KPNA3: variants seen among roughly 807,000 people sequenced by gnomAD.
KPNA3 encodes importin subunit alpha-4.
A neutral mutation model predicts 73.8 loss-of-function variants in KPNA3; 13 were observed. The ratio of observed to expected loss-of-function variants is 0.18; its 90% confidence interval spans 0.11 to 0.28. The LOEUF is 0.28. KPNA3 is among the 10% of genes least tolerant of loss of function. The pLI, the probability that KPNA3 is intolerant of heterozygous loss-of-function variation, is 1.00. For synonymous variants in KPNA3, 186 were observed against 206.9 expected (o/e 0.90, Z 0.87); for missense variants, 360 against 618.1 (o/e 0.58, Z 4.43).
intron 1 of KPNA3, among the ~76,000 whole-genome samples, chr13:49,776,560 T>C (rs774287054): frequency 5.3e-5 from 8 of 152,220 alleles, no homozygotes; most frequent in Non-Finnish European, 1.0e-4. Context: ...ATCACAATTT[T>C]TATTTTCATC....
rs182969980 is a variant in KPNA3 at position 49,722,745 on chromosome 13, C to T, written c.470-182G>A. ...TTTTCCCCTAGTAATAGTCAAGTAC[C>T]GTAACCAACTGGCAGTATCTAAAGG... On this transcript the variant is annotated intron_variant, in intron 7 of 16. Transcript: ENST00000261667. Among the ~76,000 whole-genome samples, 123 of 148,926 alleles carry T rather than the reference C, an allele frequency of 8.3e-4. 1 individual carries two copies. The highest frequency in any genetic ancestry group is 2.9e-3 in the African/African-American group (117 of 40,402).
chr13:49,780,561 A>G (rs1954932976), intron 1 of KPNA3, among the ~76,000 whole-genome samples: 2 of 151,990 alleles, frequency 1.3e-5, no homozygotes, highest in Admixed American at 6.6e-5. Flanking sequence ...ATCTTCACCA[A>G]TCCATCCCCT....
In KPNA3 at chr13:49,701,478, T is replaced by G. The variant is rs1358962672; in HGVS notation, c.*322A>C. The G allele has an allele frequency of 4.1e-6, 2 of 489,098 alleles. No individual in the cohort carries two copies. Among genetic ancestry groups the G allele is most frequent in the South Asian group, 3.1e-5 (2 of 64,758 alleles). The allele number at this position is 489,098 out of a possible 1,614,324, so 30.3% of individuals were successfully genotyped here. A position where few individuals can be genotyped will look rare whatever the true frequency, so the allele number is the denominator to read the frequency against. On this transcript the variant is annotated 3_prime_UTR_variant, in exon 17 of 17. Coordinates refer to ENST00000261667, the MANE Select transcript of KPNA3 (RefSeq NM_002267.4). ...AAGGAGTATCAGTGGGCAGCTGACATGTCACCACTATGGAATATTTATTCT... is the reference window on the plus strand; with the variant it reads ...AAGGAGTATCAGTGGGCAGCTGACAGGTCACCACTATGGAATATTTATTCT...
chr13:49,790,019 A>C (rs1028481719), intron 1 of KPNA3, among the ~76,000 whole-genome samples: 2 of 152,056 alleles, frequency 1.3e-5, no homozygotes, highest in African/African-American at 4.8e-5. Context: ...TATCACCCCC[A>C]CTGGACTGTA....
At chr13:49,714,743 G>A (rs1954290115) in intron 10 of KPNA3, among the ~76,000 whole-genome samples, 1 of 151,986 alleles carries the variant, frequency 6.6e-6, no homozygotes, top group African/African-American at 2.4e-5. Context: ...AATACATCAT[G>A]ATTATAGCAC....
At chr13:49,760,557 T>C (rs9535328) in intron 1 of KPNA3, among the ~76,000 whole-genome samples, 64,896 of 151,968 alleles carry the variant, frequency 0.43, 14,367 homozygotes, top group South Asian at 0.59. Flanking sequence ...TTCACATCAA[T>C]CAATCAATCG....
intron 1 of KPNA3, among the ~76,000 whole-genome samples, chr13:49,787,283 T>C (rs1594466557): frequency 6.6e-6 from 1 of 152,202 alleles, no homozygotes; most frequent in East Asian, 1.9e-4. Context: ...AAGGAAACTT[T>C]GCAAGAGTAA....
rs955477773 is a variant in KPNA3 at position 49,710,787 on chromosome 13, TG to T, written c.903+103del. The T allele has an allele frequency of 1.2e-5, 12 of 998,112 alleles. No homozygotes were observed. In the Admixed American group the frequency reaches 2.6e-4, roughly 22 times the overall value. 61.8% of individuals were successfully genotyped at this position (998,112 alleles called of 1,614,324 possible). On this transcript the variant is annotated intron_variant, in intron 11 of 16. Transcript: ENST00000261667. ...GGCTCAGGGACTAGCAGAAGAAATG[TG>T]GAAGATAAGCACTTACAGATAGAAT...
intron 1 of KPNA3, among the ~76,000 whole-genome samples, chr13:49,778,636 C>A (rs1566360958): frequency 3.3e-5 from 5 of 152,072 alleles, no homozygotes; most frequent in Admixed American, 6.6e-5. Flanking sequence ...TAAAAGAGAG[C>A]TTTTGTTTTT....
intron 2 of KPNA3, among the ~76,000 whole-genome samples, chr13:49,740,160 T>C (rs1293442232): frequency 2.0e-5 from 3 of 151,640 alleles, no homozygotes; most frequent in African/African-American, 7.3e-5. Context: ...GGTAGGAGAA[T>C]TGCTTGAGCC....
At chr13:49,717,482 C>T (rs938930205) in intron 10 of KPNA3, among the ~76,000 whole-genome samples, 2 of 150,392 alleles carry the variant, frequency 1.3e-5, no homozygotes, top group African/African-American at 4.9e-5. Context: ...CAAATTAACT[C>T]CTTAGCGAAC....
At chr13:49,719,238 T>C (rs1300042037) in intron 10 of KPNA3, among the ~76,000 whole-genome samples, 1 of 152,158 alleles carries the variant, frequency 6.6e-6, no homozygotes, top group Non-Finnish European at 1.5e-5. Flanking sequence ...TATATTCTTC[T>C]ATACTATATC....
chr13:49,724,969 G>C (rs967508069), intron 7 of KPNA3, among the ~76,000 whole-genome samples: 2 of 152,050 alleles, frequency 1.3e-5, no homozygotes, highest in African/African-American at 4.8e-5. Context: ...AAATCACCTT[G>C]ATTACCACAC....
rs896292620 is a variant in KPNA3 at position 49,718,757 on chromosome 13, G to A, written c.771+1018C>T. Among the ~76,000 whole-genome samples, 4 of 152,268 alleles carry A rather than the reference G, an allele frequency of 2.6e-5. No homozygotes were observed. In the East Asian group the frequency reaches 5.8e-4, roughly 22 times the overall value. On this transcript the variant is annotated intron_variant, in intron 10 of 16. Coordinates refer to ENST00000261667, the MANE Select transcript of KPNA3 (RefSeq NM_002267.4). ...TTTTAGGCTGTGTCAAACACGAAGT[G>A]ACTTTAGCTACCTTTAAAAGATTCC...
chr13:49,761,702 C>T (rs1439022255), intron 1 of KPNA3, among the ~76,000 whole-genome samples: 4 of 151,644 alleles, frequency 2.6e-5, no homozygotes, highest in Non-Finnish European at 4.4e-5. Flanking sequence ...GGCCGCCCAT[C>T]GTCTGGGATG....
At chr13:49,752,961 A>G (rs941271222) in intron 1 of KPNA3, among the ~76,000 whole-genome samples, 3 of 131,580 alleles carry the variant, frequency 2.3e-5, no homozygotes, top group Non-Finnish European at 4.6e-5. Flanking sequence ...CGGGAGGTGG[A>G]GCTTGCGGTG....
intron 1 of KPNA3, among the ~76,000 whole-genome samples, chr13:49,790,254 C>G (rs1291607843): frequency 6.6e-6 from 1 of 152,096 alleles, no homozygotes; most frequent in African/African-American, 2.4e-5. Flanking sequence ...ATCACTGGAG[C>G]CCAGGAGTTC....
At chr13:49,768,099 GA>G (rs1954823384) in intron 1 of KPNA3, among the ~76,000 whole-genome samples, 1 of 151,970 alleles carries the variant, frequency 6.6e-6, no homozygotes, top group Non-Finnish European at 1.5e-5. Flanking sequence ...CCAACATAAT[GA>G]AACCCCGTCT....
At chr13:49,717,776 A>G (rs1954318987) in intron 10 of KPNA3, among the ~76,000 whole-genome samples, 1 of 152,234 alleles carries the variant, frequency 6.6e-6, no homozygotes, top group African/African-American at 2.4e-5. Flanking sequence ...TTTAAACTCA[A>G]TAAATGGTAA....
Sources: gnomAD v4.1 joint callset for allele counts (sites outside exome capture counted in the v4.1 genomes callset) on GRCh38, gnomAD v4.1.1 for gene constraint, MANE v1.5 for transcripts, NCBI Gene and HGNC (gene_info 2026-07-23, HGNC 2026-07-21) for gene names.